Variants in NEDD4L observed in about 807,000 individuals in gnomAD.
NEDD4L encodes the protein NEDD4 like E3 ubiquitin protein ligase.
Under a neutral mutation model 148.9 loss-of-function variants are expected in NEDD4L, and 54 were observed. The observed-to-expected ratio is 0.36, with a 90% CI of 0.29 to 0.45. NEDD4L has a LOEUF of 0.45. NEDD4L is among the 20% of genes least tolerant of loss of function. NEDD4L has a pLI of 1.00. For missense variants in NEDD4L, 856 were observed against 1,233.8 expected, an observed-to-expected ratio of 0.69 and a Z score of 4.59; for synonymous variants, 433 against 440.7, an observed-to-expected ratio of 0.98 and a Z score of 0.22.
intron 1 of NEDD4L, among the ~76,000 whole-genome samples, chr18:58,100,216 A>G (rs2084672028): frequency 6.6e-6 from 1 of 152,116 alleles, no homozygotes; most frequent in Non-Finnish European, 1.5e-5. Context: ...TGGTAGGGTG[A>G]GGAGGACCAC....
chr18:58,223,691 G>T (rs1399788985), intron 2 of NEDD4L, among the ~76,000 whole-genome samples: 1 of 152,200 alleles, frequency 6.6e-6, no homozygotes, highest in Admixed American at 6.5e-5. Flanking sequence ...ATGATGTAGT[G>T]TGCTAGTAAC....
rs1018247218 is a variant in NEDD4L at position 58,389,256 on chromosome 18, C to T, written c.2655+64C>T. On this transcript the variant is annotated intron_variant, in intron 28 of 30. Coordinates refer to ENST00000400345, the MANE Select transcript of NEDD4L (RefSeq NM_001144967.3). ...TGAGGCAGGATTGAGGGCTGTGTGG[C>T]GCCCTCCATTGTGGTCTGACTTCAG... The T allele has an allele frequency of 7.1e-5, 85 of 1,201,478 alleles. No individual in the cohort carries two copies. In the African/African-American group the frequency reaches 1.1e-3, roughly 15 times the overall value. 74.4% of individuals were successfully genotyped at this position (1,201,478 alleles called of 1,614,324 possible). A position where few individuals can be genotyped will look rare whatever the true frequency, so the allele number is the denominator to read the frequency against.
chr18:58,181,407 G>C (rs1447831927), intron 2 of NEDD4L, among the ~76,000 whole-genome samples: 1 of 152,142 alleles, frequency 6.6e-6, no homozygotes, highest in Admixed American at 6.5e-5. Flanking sequence ...CACTCTTCCA[G>C]GTTTCTTTAA....
intron 5 of NEDD4L, among the ~76,000 whole-genome samples, chr18:58,293,897 A>G (rs1285379734): frequency 6.6e-6 from 1 of 151,812 alleles, no homozygotes; most frequent in Non-Finnish European, 1.5e-5. Flanking sequence ...TAATTATTGT[A>G]TTTTTTGTAG....
intron 6 of NEDD4L, among the ~76,000 whole-genome samples, 164 bp from the exon 7 acceptor site, chr18:58,322,261 C>A (rs987518617): frequency 1.3e-5 from 2 of 152,168 alleles, no homozygotes; most frequent in African/African-American, 4.8e-5. Flanking sequence ...TAGTGGATCT[C>A]TAGTAGATCA....
intron 1 of NEDD4L, among the ~76,000 whole-genome samples, chr18:58,144,610 A>G (rs1394575962): frequency 6.6e-6 from 1 of 152,176 alleles, no homozygotes; most frequent in Non-Finnish European, 1.5e-5. Flanking sequence ...TGTCTACTGT[A>G]TTTTAAAATA....
chr18:58,059,098 C>CT (rs1354484678), intron 1 of NEDD4L, among the ~76,000 whole-genome samples: 2 of 152,018 alleles, frequency 1.3e-5, no homozygotes, highest in African/African-American at 4.8e-5. Context: ...CTTCTTCTTT[C>CT]TTTTTTTTCC....
chr18:58,250,357 C>G (rs1483121227), intron 4 of NEDD4L, among the ~76,000 whole-genome samples: 1 of 152,094 alleles, frequency 6.6e-6, no homozygotes, highest in South Asian at 2.1e-4. Context: ...ACCATGTTGG[C>G]CAGGCTGGTC....
intron 13 of NEDD4L, among the ~76,000 whole-genome samples, chr18:58,337,696 A>G (rs1481978394): frequency 1.3e-5 from 2 of 152,132 alleles, no homozygotes; most frequent in African/African-American, 4.8e-5. Context: ...AAGGCACTAC[A>G]GTGTTAATTT....
rs548662845 is a variant in NEDD4L at position 58,376,981 on chromosome 18, C to G, written c.2352+3712C>G. Among the ~76,000 whole-genome samples the G allele has an allele frequency of 3.3e-5, 5 of 152,350 alleles. No homozygotes were observed. In the East Asian group the frequency reaches 7.7e-4, roughly 23 times the overall value. The stretch of plus-strand genomic sequence containing the variant: ...TTCATCAGGGAAGCCAGCCCTTGAC[C>G]CAGACCCTATGCATCTTCCATGCCT... On this transcript the variant is annotated intron_variant, in intron 24 of 30. Coordinates refer to ENST00000400345, the MANE Select transcript of NEDD4L (RefSeq NM_001144967.3).
At chr18:58,201,244 A>C (rs2041372607) in intron 2 of NEDD4L, among the ~76,000 whole-genome samples, 2 of 152,132 alleles carry the variant, frequency 1.3e-5, no homozygotes, top group Admixed American at 6.5e-5. Flanking sequence ...GAGGCAGGAG[A>C]ATTGCTTGAA....
At chr18:58,154,636 A>C (rs569947722) in intron 1 of NEDD4L, among the ~76,000 whole-genome samples, 7 of 152,082 alleles carry the variant, frequency 4.6e-5, no homozygotes, top group Non-Finnish European at 8.8e-5. Context: ...AAATACAAAA[A>C]ATTAGCCAGA....
chr18:58,334,387 T>A (rs538305520), intron 12 of NEDD4L, among the ~76,000 whole-genome samples: 35 of 152,332 alleles, frequency 2.3e-4, no homozygotes, highest in African/African-American at 7.7e-4. Context: ...TATAATTCTT[T>A]CCAACTCTCT....
rs540842003 is a variant in NEDD4L, at chr18:58,356,217, C to G, written c.1709-977C>G. ...AAGTGATCCTCCTGCCTCAGCCCCCCAAAGTATTGGGATTACAGGCATGAG... is the reference window on the plus strand; with the variant it reads ...AAGTGATCCTCCTGCCTCAGCCCCCGAAAGTATTGGGATTACAGGCATGAG... On this transcript the variant is annotated intron_variant, in intron 18 of 30. Coordinates refer to ENST00000400345, the MANE Select transcript of NEDD4L (RefSeq NM_001144967.3). Among the ~76,000 whole-genome samples the G allele has an allele frequency of 2.0e-5, 3 of 152,274 alleles. No individual in the cohort carries two copies. The East Asian group carries it at 5.8e-4, about 29-fold the overall frequency.
At chr18:58,061,006 G>A (rs1276765661) in intron 1 of NEDD4L, among the ~76,000 whole-genome samples, 2 of 152,032 alleles carry the variant, frequency 1.3e-5, no homozygotes, top group Admixed American at 6.5e-5. Flanking sequence ...GTGATGTACC[G>A]GTCTCGGCCT....
chr18:58,105,985 C>G (rs2085049023), intron 1 of NEDD4L, among the ~76,000 whole-genome samples: 1 of 152,330 alleles, frequency 6.6e-6, no homozygotes, highest in Admixed American at 6.5e-5. Flanking sequence ...TTAGGTTACC[C>G]AGCAGCTAAA....
At chr18:58,391,346 A>G (rs2049814514) in intron 29 of NEDD4L, 141 bp from the exon 30 acceptor site, 4 of 688,448 alleles carry the variant, frequency 5.8e-6, no homozygotes, top group East Asian at 2.7e-5. Context: ...TTAAATATCA[A>G]TGTTGCAGCA....
chr18:58,228,262 C>T (rs758741594), intron 2 of NEDD4L, among the ~76,000 whole-genome samples: 4 of 113,866 alleles, frequency 3.5e-5, no homozygotes, highest in Non-Finnish European at 5.2e-5. Context: ...TAAACAACTG[C>T]GCTACTGATA....
chr18:58,349,846 A>G (rs1454037657), intron 17 of NEDD4L, among the ~76,000 whole-genome samples: 1 of 152,236 alleles, frequency 6.6e-6, no homozygotes, highest in African/African-American at 2.4e-5. Flanking sequence ...CTAGCAGAAG[A>G]TAGACCTTGT....
Sources: allele counts gnomAD v4.1 joint callset (sites outside exome capture counted in the v4.1 genomes callset), GRCh38; gene constraint gnomAD v4.1.1; transcripts MANE v1.5; gene names NCBI Gene and HGNC (gene_info 2026-07-23, HGNC 2026-07-21).